The following ADGRB3 variants were observed in gnomAD, a reference collection of about 807,000 sequenced individuals.
ADGRB3 encodes the protein brain-specific angiogenesis inhibitor 3.
Under a neutral mutation model 193.4 loss-of-function variants are expected in ADGRB3, and 37 were observed. The ratio of observed to expected loss-of-function variants is 0.19; its 90% CI spans 0.15 to 0.25. ADGRB3 has a LOEUF of 0.25. Ranked by LOEUF, ADGRB3 falls within the 10% of genes least tolerant of loss-of-function variation. The pLI, the probability that ADGRB3 is intolerant of heterozygous loss-of-function variation, is 1.00. For missense variants in ADGRB3, 1,637 were observed against 1,852.9 expected (o/e 0.88, Z 2.14); for synonymous variants, 690 against 644.2 (o/e 1.07, Z -1.08).
Position 69,325,015 on chromosome 6 carries a change from T to C in ADGRB3, c.2958T>C (p.Leu986=). The change falls in exon 21 of 32, where the codon CTT becomes CTC. Residue 986 remains leucine, a synonymous_variant. Transcript: ENST00000370598. ...TRLIRKRFLC[L]GWGLPALVVA... ...TTATAAGAAAACGCTTTTTGTGCCT[T>C]GGATGGGGTAAGCATATTGATATAC... The C allele has an allele frequency of 8.7e-6, 14 of 1,613,608 alleles. No individual in the cohort carries two copies. The highest frequency in any genetic ancestry group is 1.1e-5 in the Non-Finnish European group (13 of 1,179,704).
At chr6:68,826,522 C>T (rs140692938) in intron 3 of ADGRB3, among the ~76,000 whole-genome samples, 248 of 152,178 alleles carry the variant, frequency 1.6e-3, no homozygotes, top group African/African-American at 4.7e-3. Flanking sequence ...GGCTTTTACT[C>T]CAAGTGGAAC....
At chr6:68,784,616 A>T (rs546410004) in intron 3 of ADGRB3, among the ~76,000 whole-genome samples, 1 of 152,246 alleles carries the variant, frequency 6.6e-6, no homozygotes, top group African/African-American at 2.4e-5. Context: ...TCCTCAGTAA[A>T]TAAAAAGCTG....
chr6:69,081,047 A>T (rs1226036703), intron 17 of ADGRB3, among the ~76,000 whole-genome samples: 1 of 152,014 alleles, frequency 6.6e-6, no homozygotes, highest in East Asian at 1.9e-4. Context: ...AAGAATAACT[A>T]ATTTTGGCTG....
intron 4 of ADGRB3, among the ~76,000 whole-genome samples, chr6:68,933,277 G>A (rs1356226203): frequency 6.6e-6 from 1 of 152,046 alleles, no homozygotes; most frequent in Admixed American, 6.6e-5. Flanking sequence ...GGACTATGTA[G>A]CATTTTATCT....
intron 26 of ADGRB3, among the ~76,000 whole-genome samples, chr6:69,353,391 A>G (rs373930837): frequency 6.6e-6 from 1 of 152,118 alleles, no homozygotes; most frequent in African/African-American, 2.4e-5. Flanking sequence ...TTGTTTCATT[A>G]TGTTTTGTTT....
intron 1 of ADGRB3, among the ~76,000 whole-genome samples, chr6:68,636,332 GA>G (rs774356397): frequency 7.9e-5 from 12 of 151,918 alleles, no homozygotes; most frequent in Admixed American, 1.3e-4. Context: ...CTATTGGGGG[GA>G]AAAATCTGTG....
intron 20 of ADGRB3, among the ~76,000 whole-genome samples, chr6:69,287,385 TA>T (rs1173810501): frequency 6.6e-6 from 1 of 152,070 alleles, no homozygotes; most frequent in Non-Finnish European, 1.5e-5. Flanking sequence ...GAATTTTATT[TA>T]AAAAATAACT....
At position 69,372,419 on chromosome 6, in the gene ADGRB3, G is replaced by A. The variant is rs1046244884; in HGVS notation, c.4253G>A (p.Arg1418Gln). Residue 1418 changes from arginine to glutamine, a missense_variant, in exon 30 of 32, where the codon CGA becomes CAA. Physicochemically the swap from Arg to Gln is conservative, Grantham distance 43. Coordinates refer to ENST00000370598, the MANE Select transcript of ADGRB3 (RefSeq NM_001704.3). ...SMSSLERRKS[R>Q]YSDLDFEKVM... ...TATATCTTACAGAGAAGAAAATCACGATATTCAGACCTTGACTTTGAGGTA... is the reference window on the plus strand; with the variant it reads ...TATATCTTACAGAGAAGAAAATCACAATATTCAGACCTTGACTTTGAGGTA... The A allele has an allele frequency of 5.1e-6, 7 of 1,368,928 alleles. No homozygotes were observed. Among genetic ancestry groups the A allele is most frequent in the Non-Finnish European group, 7.0e-6 (7 of 1,000,162 alleles). 84.8% of individuals were successfully genotyped at this position (1,368,928 alleles called of 1,614,324 possible). A position where few individuals can be genotyped will look rare whatever the true frequency, so the allele number is the denominator to read the frequency against.
Position 69,102,177 on chromosome 6 carries a change from C to CAA in ADGRB3, c.2480+26156_2480+26157dup, listed in dbSNP as rs777752874. 6.1e-3 allele frequency among the ~76,000 whole-genome samples: 553 copies of CAA among 90,878 alleles called. 18 individuals are homozygous for CAA. The South Asian group carries it at 0.067, about 11-fold the overall frequency. The allele number at this position is 90,878 out of a possible 152,430, so 59.6% of individuals were successfully genotyped here. A position where few individuals can be genotyped will look rare whatever the true frequency, so the allele number is the denominator to read the frequency against. ...TGGGCGACAGAGCGAGACTCCGTCT[C>CAA]AAAAAAAAAAAAAAAAAAGACTCTC... is the stretch of plus-strand genomic sequence containing the variant. On this transcript the variant is annotated intron_variant, in intron 17 of 31. Coordinates refer to ENST00000370598, the MANE Select transcript of ADGRB3 (RefSeq NM_001704.3).
At chr6:69,162,431 T>G (rs1229803934) in intron 17 of ADGRB3, among the ~76,000 whole-genome samples, 1 of 152,110 alleles carries the variant, frequency 6.6e-6, no homozygotes, top group Non-Finnish European at 1.5e-5. Flanking sequence ...TGTTTAAAAT[T>G]AAGCATGCAT....
chr6:69,117,377 T>G (rs879877875), intron 17 of ADGRB3, among the ~76,000 whole-genome samples: 5 of 152,198 alleles, frequency 3.3e-5, no homozygotes, highest in Non-Finnish European at 7.3e-5. Context: ...AAAGTTTAGG[T>G]ATGTTATTCC....
chr6:69,006,288 A>G (rs182916028), intron 11 of ADGRB3, among the ~76,000 whole-genome samples: 2 of 152,240 alleles, frequency 1.3e-5, no homozygotes, highest in Non-Finnish European at 2.9e-5. Context: ...TTTATGTATC[A>G]TGCATGCAAA....
intron 20 of ADGRB3, among the ~76,000 whole-genome samples, chr6:69,293,208 T>A (rs1767730174): frequency 6.6e-6 from 1 of 152,208 alleles, no homozygotes; most frequent in African/African-American, 2.4e-5. Context: ...TTTTTTTTTC[T>A]ATTTTGATAA....
At position 68,917,956 on chromosome 6, in the gene ADGRB3, T is replaced by C. The variant is rs533085971; in HGVS notation, c.758-12603T>C. Among the ~76,000 whole-genome samples the C allele has an allele frequency of 2.6e-3, 395 of 152,328 alleles. 2 individuals are homozygous for C. Among genetic ancestry groups the C allele is most frequent in the Non-Finnish European group, 2.8e-3 (191 of 68,032 alleles). The stretch of plus-strand genomic sequence containing the variant: ...ACCAATGCAATCATTTTAATATAAC[T>C]TATTTTAAGTCAATTGTATCCCCAC... On this transcript the variant is annotated intron_variant, in intron 3 of 31. Coordinates refer to ENST00000370598, the MANE Select transcript of ADGRB3 (RefSeq NM_001704.3).
At chr6:69,217,081 A>T (rs767745959) in intron 17 of ADGRB3, among the ~76,000 whole-genome samples, 1 of 152,142 alleles carries the variant, frequency 6.6e-6, no homozygotes, top group Non-Finnish European at 1.5e-5. Flanking sequence ...CCTTTCAGCC[A>T]CTCTGGAGCA....
chr6:68,961,113 C>T (rs1222500188), intron 8 of ADGRB3, among the ~76,000 whole-genome samples: 2 of 152,004 alleles, frequency 1.3e-5, no homozygotes, highest in East Asian at 3.9e-4. Context: ...ATTTTGAATG[C>T]CTCTAGCCAA....
At chr6:68,872,599 C>A (rs1462133444) in intron 3 of ADGRB3, among the ~76,000 whole-genome samples, 1 of 152,072 alleles carries the variant, frequency 6.6e-6, no homozygotes, top group African/African-American at 2.4e-5. Context: ...TGTTTGTATG[C>A]AGTATACACC....
At chr6:68,722,780 CT>C in intron 3 of ADGRB3, among the ~76,000 whole-genome samples, 1 of 151,450 alleles carries the variant, frequency 6.6e-6, no homozygotes, top group Admixed American at 6.6e-5. Flanking sequence ...GAAATCAACT[CT>C]TTTTTTCCTA....
In ADGRB3 at chr6:68,797,101, G is replaced by A. The variant is rs188156869; in HGVS notation, c.758-133458G>A. Among the ~76,000 whole-genome samples the A allele has an allele frequency of 1.2e-3, 179 of 152,242 alleles. 1 individual carries two copies. Among genetic ancestry groups the A allele is most frequent in the African/African-American group, 4.2e-3 (173 of 41,548 alleles). On this transcript the variant is annotated intron_variant, in intron 3 of 31. Coordinates refer to ENST00000370598, the MANE Select transcript of ADGRB3 (RefSeq NM_001704.3). ...TAAGCCATGACACGGAACTGAAGGA[G>A]CCATGATGAAAATTCCTTCTGTTTT...
Sources: gnomAD v4.1 joint callset for allele counts (sites outside exome capture counted in the v4.1 genomes callset) on GRCh38, gnomAD v4.1.1 for gene constraint, MANE v1.5 for transcripts, NCBI Gene and HGNC (gene_info 2026-07-23, HGNC 2026-07-21) for gene names.